SPTBN4: variants seen among roughly 807,000 people sequenced by gnomAD.
SPTBN4 encodes spectrin beta, non-erythrocytic 4.
SPTBN4 carries 96 observed loss-of-function variants against 277.8 expected under a neutral mutation model. That is an observed-to-expected ratio of 0.35 (90% confidence interval 0.29 to 0.41). The LOEUF is 0.41. Ranked by LOEUF, SPTBN4 falls within the 10% of genes least tolerant of loss-of-function variation. The pLI is 1.00. For synonymous variants in SPTBN4, 1,481 were observed against 1,580.3 expected (o/e 0.94, Z 1.49); for missense variants, 3,006 against 3,595.7 (o/e 0.84, Z 4.19).
chr19:40,532,883 A>G, intron 19 of SPTBN4, 112 bp downstream of exon 19: 1 of 1,327,438 alleles, frequency 7.5e-7, no homozygotes, highest in Non-Finnish European at 1.0e-6. Flanking sequence ...ACACCTCTGG[A>G]CTGACTCAAA....
intron 4 of SPTBN4, among the ~76,000 whole-genome samples, chr19:40,491,061 A>G (rs2080130595): frequency 6.6e-6 from 1 of 152,288 alleles, no homozygotes; most frequent in South Asian, 2.1e-4. Context: ...AAAGCTACCC[A>G]GAAAAATACA....
chr19:40,519,936 G>A lies in SPTBN4; in HGVS notation c.3439G>A (p.Ala1147Thr), dbSNP rs1383866122. 6.4e-7 allele frequency: 1 copy of A among 1,553,318 alleles called. No homozygotes were observed. Residue 1147 changes from alanine (A) to threonine (T), a missense_variant, in exon 16 of 36, where the codon GCT (alanine) becomes ACT (threonine). This residue lies in a region of SPTBN4 where 1,759 missense variants were observed against 2,061.5 expected (regional missense o/e 0.85). Transcript: ENST00000598249. The surrounding 1 kb of genome is among the most constrained non-coding windows in gnomAD (Gnocchi z 5.7). ...EEVDQREEDY[A>T]RIVAASEALL... ...GGTGGACCAGCGCGAGGAAGACTATGCTCGCATCGTGGCGGCCAGCGAGGC... is the reference window on the plus strand; with the variant it reads ...GGTGGACCAGCGCGAGGAAGACTATACTCGCATCGTGGCGGCCAGCGAGGC...
chr19:40,546,212 C>T (rs528403861), intron 20 of SPTBN4, among the ~76,000 whole-genome samples: 7 of 120,452 alleles, frequency 5.8e-5, no homozygotes, highest in Admixed American at 9.2e-5. Context: ...GCAAAAAGAG[C>T]GAAACTCCAT....
At position 40,571,884 on chromosome 19, in the gene SPTBN4, CCAACTAGGGCG is replaced by C. The variant is rs988008791; in HGVS notation, c.7320-120_7320-110del. 4.8e-5 allele frequency: 49 copies of C among 1,014,236 alleles called. No individual in the cohort carries two copies. In the African/African-American group the frequency reaches 6.3e-4, roughly 13 times the overall value. The allele number at this position is 1,014,236 out of a possible 1,614,324, so 62.8% of individuals were successfully genotyped here. A position where few individuals can be genotyped will look rare whatever the true frequency, so the allele number is the denominator to read the frequency against. ...AGCCTTAAGGAAGAGCATTTTAGGT[CCAACTAGGGCG>C]CAACTAGGGCGCAAAGGTCCAGAGG... On this transcript the variant is annotated intron_variant, in intron 33 of 35. Transcript: ENST00000598249.
rs1261686486 is a variant in SPTBN4, at chr19:40,512,803, G to T, written c.2014G>T (p.Gly672Cys). Residue 672 changes from glycine (G) to cysteine (C), a missense_variant, in exon 14 of 36, where the codon GGC becomes TGC. Gly to Cys is a radical substitution (Grantham distance 159, BLOSUM62 -3). Around this residue, in one of 5 missense-constraint regions of SPTBN4, gnomAD observed 1,759 missense variants for 2,061.5 expected, o/e 0.85. Transcript: ENST00000598249. Reference protein sequence around the residue: ...DKERLLEAAGGGGAAGAAGAA... With the variant: ...DKERLLEAAGCGGAAGAAGAA... ...GGAGCGTCTCCTGGAGGCTGCGGGC[G>T]GCGGCGGTGCGGCGGGCGCAGCGGG... The T allele has an allele frequency of 4.8e-6, 7 of 1,463,104 alleles. No homozygotes were observed. In the East Asian group the frequency reaches 1.4e-4, roughly 29 times the overall value. The allele number at this position is 1,463,104 out of a possible 1,614,324, so 90.6% of individuals were successfully genotyped here.
Position 40,512,841 on chromosome 19 carries a change from A to G in SPTBN4, c.2052A>G (p.Thr684=). The change falls in exon 14 of 36, where the codon ACA becomes ACG. Residue 684 remains threonine, a synonymous_variant. Transcript: ENST00000598249. The stretch of plus-strand genomic sequence containing the variant: ...CGGGCGCAGCGGGCGCAGCGGGAAC[A>G]GCGGGCGGCGCGCATGACCTGTCCA... ...GAAGAAGAAG[T]AGGAHDLSST... 3 of 1,456,490 alleles carry G rather than the reference A, an allele frequency of 2.1e-6. No individual in the cohort carries two copies. The highest frequency in any genetic ancestry group is 2.7e-6 in the Non-Finnish European group (3 of 1,117,466). The allele number at this position is 1,456,490 out of a possible 1,614,324, so 90.2% of individuals were successfully genotyped here. A position where few individuals can be genotyped will look rare whatever the true frequency, so the allele number is the denominator to read the frequency against.
intron 2 of SPTBN4, among the ~76,000 whole-genome samples, chr19:40,477,128 C>T (rs1877095106): frequency 1.3e-5 from 2 of 151,838 alleles, no homozygotes; most frequent in Admixed American, 1.3e-4. Flanking sequence ...CAACCTCCAA[C>T]TCCTGGGCTT....
Position 40,473,354 on chromosome 19 carries a change from G to GTTTTT in SPTBN4, c.169+580_169+584dup, listed in dbSNP as rs61584591. Among the ~76,000 whole-genome samples, 626 of 99,034 alleles carry GTTTTT rather than the reference G, an allele frequency of 6.3e-3. 26 individuals carry two copies. The highest frequency in any genetic ancestry group is 0.015 in the African/African-American group (364 of 24,386). 65.0% of individuals were successfully genotyped at this position (99,034 alleles called of 152,430 possible). A position where few individuals can be genotyped will look rare whatever the true frequency, so the allele number is the denominator to read the frequency against. On this transcript the variant is annotated intron_variant, in intron 2 of 35. Coordinates refer to ENST00000598249, the MANE Select transcript of SPTBN4 (RefSeq NM_020971.3). ...CATGAGCCACTGCACCTGGCCTGGT[G>GTTTTT]TTTTTTTTTTTTTTTTTTTTGAGAC...
At position 40,560,816 on chromosome 19, in the gene SPTBN4, TC is replaced by T; in HGVS notation, c.5915+415del. The T allele has an allele frequency of 1.0e-6, 1 of 967,918 alleles. No individual in the cohort carries two copies. The highest frequency in any genetic ancestry group is 1.3e-6 in the Non-Finnish European group (1 of 775,532). The allele number at this position is 967,918 out of a possible 1,614,324, so 60.0% of individuals were successfully genotyped here. On this transcript the variant is annotated intron_variant, in intron 27 of 35. Transcript: ENST00000598249. The surrounding 1 kb of genome is among the most constrained non-coding windows in gnomAD (Gnocchi z 5.2). ...CTCACATAGTGGTTGGATGTGAGTG[TC>T]CAGCAGAATCCTGTCCCCTGGTGAT...
chr19:40,509,029 C>G (rs1012949797), intron 13 of SPTBN4, among the ~76,000 whole-genome samples: 8 of 150,998 alleles, frequency 5.3e-5, no homozygotes, highest in African/African-American at 1.9e-4. Flanking sequence ...CAGAGTGGCC[C>G]CATCTGATAT....
At chr19:40,488,981 T>C (rs1055838351) in intron 3 of SPTBN4, among the ~76,000 whole-genome samples, 1 of 151,546 alleles carries the variant, frequency 6.6e-6, no homozygotes, top group Admixed American at 6.6e-5. Context: ...GTCTCAAAAA[T>C]AAATAAATAA....
Position 40,567,937 on chromosome 19 carries a change from C to T in SPTBN4, c.6611C>T (p.Pro2204Leu), listed in dbSNP as rs2081112462. The T allele has an allele frequency of 2.6e-6, 4 of 1,515,958 alleles. No individual in the cohort carries two copies. Among genetic ancestry groups the T allele is most frequent in the Non-Finnish European group, 3.5e-6 (4 of 1,136,484 alleles). 93.9% of individuals were successfully genotyped at this position (1,515,958 alleles called of 1,614,324 possible). ...CCGGAGATCCCGGGGAGGGTGGAGC[C>T]CGCGGCCCTGCCGGCCGCACCAGAG... Reference protein sequence around the residue: ...RLPEIPGRVEPAALPAAPEDA... With the variant: ...RLPEIPGRVELAALPAAPEDA... Residue 2204 changes from proline to leucine, a missense_variant, in exon 31 of 36, where the codon CCC becomes CTC. Transcript: ENST00000598249.
intron 1 of SPTBN4, among the ~76,000 whole-genome samples, chr19:40,472,069 C>T (rs889078236): frequency 6.6e-6 from 1 of 152,052 alleles, no homozygotes; most frequent in Non-Finnish European, 1.5e-5. Context: ...CTCCACCTCG[C>T]CTGGAGAATT....
At position 40,520,000 on chromosome 19, in the gene SPTBN4, T is replaced by A; in HGVS notation, c.3503T>A (p.Leu1168Gln). Residue 1168 changes from leucine to glutamine, a missense_variant, in exon 16 of 36, where the codon CTG becomes CAG. By Grantham distance (113) the Leu-to-Gln change is moderately radical (BLOSUM62 -2). Around this residue, in one of 5 missense-constraint regions of SPTBN4, gnomAD observed 1,759 missense variants for 2,061.5 expected, o/e 0.85. Transcript: ENST00000598249. The surrounding 1 kb of genome is among the most constrained non-coding windows in gnomAD (Gnocchi z 5.7). ...GACGGCGCAGAGCTGGGCCCGGGCC[T>A]GGCACTAGACGAGTGGCTGCCACAC... ...AADGAELGPGLALDEWLPHLE... is the reference protein window; with the variant it reads ...AADGAELGPGQALDEWLPHLE... 6.4e-7 allele frequency: 1 copy of A among 1,559,710 alleles called. No homozygotes were observed. Among genetic ancestry groups the A allele is most frequent in the Non-Finnish European group, 8.6e-7 (1 of 1,157,944 alleles).
At position 40,486,472 on chromosome 19, in the gene SPTBN4, C is replaced by T. The variant is rs564436333; in HGVS notation, c.170-1225C>T. 5.9e-5 allele frequency among the ~76,000 whole-genome samples: 9 copies of T among 151,770 alleles called. No homozygotes were observed. In the East Asian group the frequency reaches 9.7e-4, roughly 16 times the overall value. The stretch of plus-strand genomic sequence containing the variant: ...GCAGCCTCAACCTCCCAAGGCCAAG[C>T]GATCCTCCTGCCTCAGCCACTCAAG... On this transcript the variant is annotated intron_variant, in intron 2 of 35. Transcript: ENST00000598249.
rs768911356 is a variant in SPTBN4 at position 40,506,252 on chromosome 19, G to C, written c.1682G>C (p.Arg561Pro). 3 of 1,613,054 alleles carry C rather than the reference G, an allele frequency of 1.9e-6. No individual in the cohort carries two copies. Among genetic ancestry groups the C allele is most frequent in the Non-Finnish European group, 2.5e-6 (3 of 1,179,428 alleles). Residue 561 changes from arginine (R) to proline (P), a missense_variant, in exon 13 of 36, where the codon CGG becomes CCG. This residue lies in a region of SPTBN4 where 1,759 missense variants were observed against 2,061.5 expected (regional missense o/e 0.85). Coordinates refer to ENST00000598249, the MANE Select transcript of SPTBN4 (RefSeq NM_020971.3). The stretch of plus-strand genomic sequence containing the variant: ...CGCTTGTAGGCTCAGCTGCTGTCCC[G>C]GGAGTGTGGGCAGCACCTGGTGGAG... ...MEEMQAQLLS[R>P]ECGQHLVEAD...
At chr19:40,533,931 G>A in intron 19 of SPTBN4, 149 bp from the exon 20 acceptor site, 1 of 989,408 alleles carries the variant, frequency 1.0e-6, no homozygotes, top group South Asian at 1.7e-5. Flanking sequence ...CACCCCTCAT[G>A]TCTCTCTCTC....
chr19:40,555,981 T>A (rs1414525085), intron 24 of SPTBN4, 103 bp from the exon 25 acceptor site: 1 of 1,022,766 alleles, frequency 9.8e-7, no homozygotes, highest in Non-Finnish European at 1.4e-6. Context: ...GTCTGAAGAT[T>A]CCAAGGAAAC....
rs1384394603 is a variant in SPTBN4, at chr19:40,502,327, C to A, written c.1085+12C>A. The A allele has an allele frequency of 5.6e-6, 9 of 1,610,764 alleles. No homozygotes were observed. Among genetic ancestry groups the A allele is most frequent in the Non-Finnish European group, 7.6e-6 (9 of 1,178,208 alleles). ...GAGAAGCCTGTCAAGTGAGGCCCAGCTCTGGAGGGAGGGTGGGCAGGGGTG... is the reference window on the plus strand; with the variant it reads ...GAGAAGCCTGTCAAGTGAGGCCCAGATCTGGAGGGAGGGTGGGCAGGGGTG... On this transcript the variant is annotated intron_variant, in intron 9 of 35. Coordinates refer to ENST00000598249, the MANE Select transcript of SPTBN4 (RefSeq NM_020971.3). This position sits in a 1 kb window ranked among gnomAD's most constrained non-coding sequence, Gnocchi z 4.9.
Sources: allele counts gnomAD v4.1 joint callset (sites outside exome capture counted in the v4.1 genomes callset), GRCh38; gene constraint gnomAD v4.1.1; regional missense constraint gnomAD v4.1.1; non-coding constraint Gnocchi (gnomAD v3.1); transcripts MANE v1.5; gene names NCBI Gene and HGNC (gene_info 2026-07-23, HGNC 2026-07-21).